The following ST6GALNAC3 variants were observed in gnomAD, a reference collection of about 807,000 sequenced individuals.
The protein encoded by ST6GALNAC3 is ST6 N-acetylgalactosaminide alpha-2,6-sialyltransferase 3, also known as alpha-N-acetylgalactosaminide alpha-2,6-sialyltransferase 3.
A neutral mutation model predicts 32.7 loss-of-function variants in ST6GALNAC3; 25 were observed. The ratio of observed to expected loss-of-function variants is 0.76; its 90% CI spans 0.56 to 1.07. ST6GALNAC3 has a LOEUF of 1.07. Among genes scored for constraint, ST6GALNAC3 ranks in the 50% least tolerant of loss-of-function variants. ST6GALNAC3 has a pLI of 0.00. For synonymous variants in ST6GALNAC3, 129 were observed against 133.1 expected, an observed-to-expected ratio of 0.97 and a Z score of 0.21; for missense variants, 355 against 382.4, an observed-to-expected ratio of 0.93 and a Z score of 0.60.
chr1:76,352,594 C>T (rs1373609993), intron 2 of ST6GALNAC3, among the ~76,000 whole-genome samples: 2 of 147,484 alleles, frequency 1.4e-5, no homozygotes, highest in Admixed American at 1.4e-4. Flanking sequence ...CATTTTATTC[C>T]TGAATGACCT....
At chr1:76,572,490 A>G (rs1646718166) in intron 3 of ST6GALNAC3, among the ~76,000 whole-genome samples, 1 of 152,118 alleles carries the variant, frequency 6.6e-6, no homozygotes, top group Non-Finnish European at 1.5e-5. Context: ...TTAATTGTCC[A>G]TGTGACCAGG....
intron 2 of ST6GALNAC3, among the ~76,000 whole-genome samples, chr1:76,363,373 A>G (rs973305896): frequency 9.2e-5 from 14 of 152,270 alleles, no homozygotes; most frequent in Middle Eastern, 3.4e-3. Flanking sequence ...CCAGTTCCCA[A>G]TAAGTTCCTC....
chr1:76,382,502 A>G (rs1176661380), intron 2 of ST6GALNAC3, among the ~76,000 whole-genome samples: 4 of 152,180 alleles, frequency 2.6e-5, no homozygotes, highest in African/African-American at 9.6e-5. Flanking sequence ...GTAAAGCTGA[A>G]AATGTTTATA....
chr1:76,271,121 A>G (rs746169311), intron 1 of ST6GALNAC3, among the ~76,000 whole-genome samples: 2 of 152,168 alleles, frequency 1.3e-5, no homozygotes, highest in Non-Finnish European at 2.9e-5. Context: ...ATGGCTGTGG[A>G]AAAGAAGTCT....
chr1:76,218,999 G>T (rs192746562), intron 1 of ST6GALNAC3, among the ~76,000 whole-genome samples: 5 of 152,112 alleles, frequency 3.3e-5, no homozygotes, highest in African/African-American at 1.2e-4. Flanking sequence ...CCATTTTATG[G>T]CTAAGGAAAC....
At chr1:76,233,901 A>C (rs1216257088) in intron 1 of ST6GALNAC3, among the ~76,000 whole-genome samples, 1 of 152,130 alleles carries the variant, frequency 6.6e-6, no homozygotes, top group African/African-American at 2.4e-5. Flanking sequence ...GATACACAGT[A>C]TATCTGTGAT....
intron 3 of ST6GALNAC3, among the ~76,000 whole-genome samples, chr1:76,430,648 C>T (rs528892225): frequency 6.6e-6 from 1 of 152,108 alleles, no homozygotes; most frequent in African/African-American, 2.4e-5. Flanking sequence ...TTATTTTTCT[C>T]GCCCTGTATC....
chr1:76,422,528 A>G (rs556201761), intron 3 of ST6GALNAC3, among the ~76,000 whole-genome samples: 3 of 152,062 alleles, frequency 2.0e-5, no homozygotes, highest in African/African-American at 7.2e-5. Context: ...TCTCATTCTT[A>G]TTTGGATTAG....
intron 3 of ST6GALNAC3, among the ~76,000 whole-genome samples, chr1:76,489,880 G>GCTTTTATGTCCT (rs897837248): frequency 6.6e-6 from 1 of 152,108 alleles, no homozygotes; most frequent in African/African-American, 2.4e-5. Context: ...GGTTGAAGAA[G>GCTTTTATGTCCT]CTTTTATGTC....
chr1:76,085,189 A>G (rs919442480), intron 1 of ST6GALNAC3, among the ~76,000 whole-genome samples: 1 of 152,252 alleles, frequency 6.6e-6, no homozygotes, highest in African/African-American at 2.4e-5. Flanking sequence ...TTATTGAAAC[A>G]CAGCCATGCT....
At chr1:76,254,447 C>G (rs574860493) in intron 1 of ST6GALNAC3, among the ~76,000 whole-genome samples, 1 of 152,128 alleles carries the variant, frequency 6.6e-6, no homozygotes, top group African/African-American at 2.4e-5. Context: ...GACAATTACT[C>G]TCCTCTTGTG....
intron 3 of ST6GALNAC3, among the ~76,000 whole-genome samples, chr1:76,574,611 G>C (rs901387625): frequency 1.3e-5 from 2 of 151,984 alleles, no homozygotes; most frequent in African/African-American, 4.8e-5. Context: ...AAATTCAAGG[G>C]CCCATAGTTT....
intron 3 of ST6GALNAC3, among the ~76,000 whole-genome samples, chr1:76,516,222 A>G (rs1490090377): frequency 6.6e-6 from 1 of 152,150 alleles, no homozygotes; most frequent in South Asian, 2.1e-4. Context: ...GGCCTTTCTG[A>G]TGTCAAATTC....
At chr1:76,254,152 G>A (rs1187292466) in intron 1 of ST6GALNAC3, among the ~76,000 whole-genome samples, 1 of 152,108 alleles carries the variant, frequency 6.6e-6, no homozygotes, top group Admixed American at 6.6e-5. Flanking sequence ...ACCATAAAAT[G>A]CTATACAGAT....
intron 3 of ST6GALNAC3, among the ~76,000 whole-genome samples, chr1:76,425,314 G>T (rs7529530): frequency 6.6e-6 from 1 of 151,794 alleles, no homozygotes; most frequent in Non-Finnish European, 1.5e-5. Flanking sequence ...TATTAGGAGC[G>T]TAACTAGCAG....
intron 3 of ST6GALNAC3, among the ~76,000 whole-genome samples, chr1:76,605,106 G>A (rs1225580172): frequency 6.6e-6 from 1 of 152,118 alleles, no homozygotes; most frequent in African/African-American, 2.4e-5. Flanking sequence ...ACTCTATACA[G>A]GTGATAGACA....
In ST6GALNAC3 at chr1:76,460,574, T is replaced by G. The variant is rs35470456; in HGVS notation, c.623+48157T>G. Among the ~76,000 whole-genome samples, 1,059 of 152,326 alleles carry G rather than the reference T, an allele frequency of 7.0e-3. 10 individuals carry two copies. The highest frequency in any genetic ancestry group is 0.02 in the South Asian group (99 of 4,832). ...ATAGGTGAGACACCGCAGAATCAAG[T>G]TACACTGTTGCATCTGTAAAGTTTC... is the stretch of plus-strand genomic sequence containing the variant. On this transcript the variant is annotated intron_variant, in intron 3 of 4. Coordinates refer to ENST00000328299, the MANE Select transcript of ST6GALNAC3 (RefSeq NM_152996.4).
At chr1:76,510,323 T>C (rs895812885) in intron 3 of ST6GALNAC3, among the ~76,000 whole-genome samples, 2 of 152,104 alleles carry the variant, frequency 1.3e-5, no homozygotes, top group Non-Finnish European at 2.9e-5. Context: ...TGGCCTTTGA[T>C]TTCTACCCTT....
chr1:76,190,333 C>T (rs1653821862), intron 1 of ST6GALNAC3, among the ~76,000 whole-genome samples: 1 of 152,150 alleles, frequency 6.6e-6, no homozygotes, highest in South Asian at 2.1e-4. Context: ...GGTACTCCAA[C>T]CTTTCAGCCT....
Sources: allele counts gnomAD v4.1 joint callset (sites outside exome capture counted in the v4.1 genomes callset), GRCh38; gene constraint gnomAD v4.1.1; transcripts MANE v1.5; gene names NCBI Gene and HGNC (gene_info 2026-07-23, HGNC 2026-07-21).